SMIM10L3: variants seen among roughly 807,000 people sequenced by gnomAD.
SMIM10L3 encodes salivary gland specific protein SAGSIN1.
chr7:6,335,274 G>A, the SMIM10L3 span, among the ~76,000 whole-genome samples: 1 of 151,520 alleles, frequency 6.6e-6, no homozygotes, highest in Non-Finnish European at 1.5e-5. Context: ...CCAGGCTGGA[G>A]GGCAATGGCA....
chr7:6,346,435 C>T, the SMIM10L3 span, among the ~76,000 whole-genome samples: 1 of 152,088 alleles, frequency 6.6e-6, no homozygotes, highest in East Asian at 1.9e-4. Flanking sequence ...GGCACAATCT[C>T]GGCTCACTGC....
chr7:6,338,975 G>T, the SMIM10L3 span, among the ~76,000 whole-genome samples: 2 of 152,142 alleles, frequency 1.3e-5, no homozygotes, highest in African/African-American at 4.8e-5. Flanking sequence ...AGGTGTGAAC[G>T]CTAGCACACC....
the SMIM10L3 span, chr7:6,330,968 G>C: frequency 6.2e-7 from 1 of 1,614,256 alleles, no homozygotes; most frequent in South Asian, 1.1e-5. Context: ...CTCATTTCCA[G>C]TGATAATGCC....
the SMIM10L3 span, among the ~76,000 whole-genome samples, chr7:6,336,572 T>C: frequency 1.3e-5 from 2 of 151,072 alleles, no homozygotes. Context: ...TCCCAGCTAT[T>C]AGTCAGGAGG....
At chr7:6,330,311 T>G in the SMIM10L3 span, 1 of 1,473,000 alleles carries the variant, frequency 6.8e-7, no homozygotes, top group Non-Finnish European at 9.2e-7. Flanking sequence ...CCAGACTTAA[T>G]GCGAAAGAAA....
the SMIM10L3 span, among the ~76,000 whole-genome samples, chr7:6,348,214 T>C: frequency 7.5e-6 from 1 of 133,028 alleles, no homozygotes; most frequent in Non-Finnish European, 1.6e-5. Flanking sequence ...CCGAGACCCG[T>C]CTTTACAATT....
chr7:6,329,572 A>T, the SMIM10L3 span: 10 of 155,354 alleles, frequency 6.4e-5, no homozygotes, highest in African/African-American at 2.2e-4. Context: ...AGTCTTTAAA[A>T]ACTTATGTCC....
chr7:6,332,010 G>A, the SMIM10L3 span, among the ~76,000 whole-genome samples: 1 of 151,650 alleles, frequency 6.6e-6, no homozygotes, highest in African/African-American at 2.4e-5. Flanking sequence ...TAGTTGGGAG[G>A]CTGAGGTGGG....
chr7:6,346,539 C>T, the SMIM10L3 span, among the ~76,000 whole-genome samples: 2,949 of 152,170 alleles, frequency 0.019, 49 homozygotes, highest in East Asian at 0.053. Context: ...GGCCACCACG[C>T]CCAGCTAATT....
At chr7:6,342,679 C>T in the SMIM10L3 span, among the ~76,000 whole-genome samples, 1 of 152,112 alleles carries the variant, frequency 6.6e-6, no homozygotes, top group African/African-American at 2.4e-5. Flanking sequence ...ACATTATTCA[C>T]AATAGCCAAA....
At chr7:6,335,866 C>T in the SMIM10L3 span, among the ~76,000 whole-genome samples, 2 of 151,932 alleles carry the variant, frequency 1.3e-5, no homozygotes, top group African/African-American at 4.8e-5. Context: ...AAGACCCTGT[C>T]TCTACAAAAA....
At chr7:6,330,752 G>A in the SMIM10L3 span, 3 of 1,613,978 alleles carry the variant, frequency 1.9e-6, no homozygotes, top group African/African-American at 1.3e-5. Context: ...GTGGCCCTGG[G>A]CCCTCCTCCC....
At chr7:6,346,515 C>CGCCACCACTGCCCG in the SMIM10L3 span, among the ~76,000 whole-genome samples, 1 of 152,078 alleles carries the variant, frequency 6.6e-6, no homozygotes, top group African/African-American at 2.4e-5. Context: ...TACAGGTGCA[C>CGCCACCACTGCCCG]GCCACCACTG....
At chr7:6,337,009 A>G in the SMIM10L3 span, among the ~76,000 whole-genome samples, 2 of 152,082 alleles carry the variant, frequency 1.3e-5, no homozygotes, top group Non-Finnish European at 2.9e-5. Context: ...AAGTATGAAC[A>G]TTATCCTTAA....
the SMIM10L3 span, among the ~76,000 whole-genome samples, chr7:6,345,800 G>A: frequency 7.2e-5 from 11 of 151,820 alleles, no homozygotes; most frequent in East Asian, 3.9e-4. Context: ...ACAGAGTCTC[G>A]CTGTGTTTCC....
chr7:6,333,030 G>A, the SMIM10L3 span, among the ~76,000 whole-genome samples: 3 of 151,808 alleles, frequency 2.0e-5, no homozygotes, highest in Non-Finnish European at 2.9e-5. Flanking sequence ...GCTGGCGGGT[G>A]CCTGTAATCC....
At chr7:6,343,528 G>C in the SMIM10L3 span, among the ~76,000 whole-genome samples, 47 of 149,268 alleles carry the variant, frequency 3.1e-4, no homozygotes, top group African/African-American at 1.1e-3. Context: ...AATTATAGCA[G>C]ATTCACAGTA....
the SMIM10L3 span, among the ~76,000 whole-genome samples, chr7:6,344,265 GT>G: frequency 6.6e-6 from 1 of 152,028 alleles, no homozygotes; most frequent in Non-Finnish European, 1.5e-5. Context: ...GTAAGTTAGT[GT>G]TTTTTCACAA....
At chr7:6,330,585 G>T in the SMIM10L3 span, 1 of 1,614,158 alleles carries the variant, frequency 6.2e-7, no homozygotes, top group South Asian at 1.1e-5. Flanking sequence ...CAGACAGGAT[G>T]GAGTGCAGGC....
Sources: gnomAD v4.1 joint callset for allele counts (sites outside exome capture counted in the v4.1 genomes callset) on GRCh38, gnomAD v4.1.1 for gene constraint, MANE v1.5 for transcripts, NCBI Gene and HGNC (gene_info 2026-07-23, HGNC 2026-07-21) for gene names.